Variants in MAPK14 observed in about 807,000 individuals in gnomAD.
MAPK14 encodes mitogen-activated protein kinase 14, also known as CSAID-binding protein.
Under a neutral mutation model 49.6 loss-of-function variants are expected in MAPK14, and 16 were observed. The observed-to-expected ratio is 0.32, with a 90% CI of 0.22 to 0.49. MAPK14 has a LOEUF of 0.49. MAPK14 is among the 20% of genes least tolerant of loss of function. The pLI, the probability that MAPK14 is intolerant of heterozygous loss-of-function variation, is 0.99. For synonymous variants in MAPK14, 142 were observed against 158.0 expected (o/e 0.90, Z 0.76); for missense variants, 200 against 441.2 (o/e 0.45, Z 4.90).
In MAPK14 at chr6:36,027,816, C is replaced by A. The variant is rs938669193; in HGVS notation, c.-342C>A. 73 of 400,986 alleles carry A rather than the reference C, an allele frequency of 1.8e-4. No individual in the cohort carries two copies. Among genetic ancestry groups the A allele is most frequent in the African/African-American group, 1.4e-3 (70 of 48,766 alleles). 24.8% of individuals were successfully genotyped at this position (400,986 alleles called of 1,614,324 possible). A position where few individuals can be genotyped will look rare whatever the true frequency, so the allele number is the denominator to read the frequency against. ...CTCTTGGAACCGCGACCACTGGAGCCTTAGCGGGCGCAGCAGCTGGAACGG... is the reference window on the plus strand; with the variant it reads ...CTCTTGGAACCGCGACCACTGGAGCATTAGCGGGCGCAGCAGCTGGAACGG... On this transcript the variant is annotated 5_prime_UTR_variant, in exon 1 of 12. Coordinates refer to ENST00000229794, the MANE Select transcript of MAPK14 (RefSeq NM_139012.3).
At chr6:36,065,614 G>A (rs959412517) in intron 3 of MAPK14, among the ~76,000 whole-genome samples, 4 of 151,146 alleles carry the variant, frequency 2.6e-5, no homozygotes, top group Admixed American at 2.0e-4. Flanking sequence ...GATCTTTGGG[G>A]CTTTATAAGC....
intron 1 of MAPK14, among the ~76,000 whole-genome samples, chr6:36,032,193 A>G (rs893852561): frequency 6.6e-6 from 1 of 152,200 alleles, no homozygotes; most frequent in Non-Finnish European, 1.5e-5. Context: ...AAAGTGTGGT[A>G]TACTTTGTAA....
intron 2 of MAPK14, among the ~76,000 whole-genome samples, chr6:36,057,405 T>C (rs1268995064): frequency 6.6e-6 from 1 of 152,190 alleles, no homozygotes; most frequent in Non-Finnish European, 1.5e-5. Flanking sequence ...GTAATTTTGG[T>C]TTTCTTATGT....
intron 4 of MAPK14, 64 bp downstream of exon 4, chr6:36,073,048 CT>C: frequency 9.8e-7 from 1 of 1,015,940 alleles, no homozygotes; most frequent in African/African-American, 1.6e-5. Flanking sequence ...CCTTTTAGGG[CT>C]TAAACAAACA....
At chr6:36,048,548 T>C (rs967676061) in intron 1 of MAPK14, among the ~76,000 whole-genome samples, 18 of 152,222 alleles carry the variant, frequency 1.2e-4, no homozygotes, top group African/African-American at 3.9e-4. Flanking sequence ...GCCAGTGACA[T>C]GGACTAATAT....
At chr6:36,060,433 G>GA (rs991965095) in intron 3 of MAPK14, among the ~76,000 whole-genome samples, 3 of 152,068 alleles carry the variant, frequency 2.0e-5, no homozygotes, top group African/African-American at 7.2e-5. Context: ...CCATGAAAGA[G>GA]AAAAAAACCT....
intron 8 of MAPK14, among the ~76,000 whole-genome samples, chr6:36,078,249 G>T (rs529445984): frequency 2.6e-5 from 4 of 152,198 alleles, no homozygotes; most frequent in East Asian, 1.9e-4. Context: ...CAAGGTTGTC[G>T]TAAGAATTCA....
At chr6:36,084,878 G>A (rs1454778506) in intron 8 of MAPK14, among the ~76,000 whole-genome samples, 1 of 152,038 alleles carries the variant, frequency 6.6e-6, no homozygotes, top group Non-Finnish European at 1.5e-5. Flanking sequence ...ATAATCATCA[G>A]ATTCTCCAAG....
chr6:36,090,525 C>G (rs1401755826), intron 8 of MAPK14, among the ~76,000 whole-genome samples: 1 of 144,408 alleles, frequency 6.9e-6, no homozygotes, highest in Admixed American at 6.8e-5. Flanking sequence ...CTCCCTCTCT[C>G]TCTTTTTTTT....
At chr6:36,097,976 A>AG (rs1765503977) in intron 9 of MAPK14, 1 of 152,088 alleles carries the variant, frequency 6.6e-6, no homozygotes, top group South Asian at 2.1e-4. Context: ...AAACATCCTA[A>AG]GGGGTAGACA....
In MAPK14 at chr6:36,033,221, G is replaced by A. The variant is rs150335499; in HGVS notation, c.116+4948G>A. Reference sequence around the variant, plus strand: ...TAAGAAGTCTTTAAACATAATTAACGGCAAGCATTTGTATTATTGATGTAT... The same window carrying A: ...TAAGAAGTCTTTAAACATAATTAACAGCAAGCATTTGTATTATTGATGTAT... On this transcript the variant is annotated intron_variant, in intron 1 of 11. Transcript: ENST00000229794. Among the ~76,000 whole-genome samples, 479 of 152,122 alleles carry A rather than the reference G, an allele frequency of 3.1e-3. 4 individuals are homozygous for A. The highest frequency in any genetic ancestry group is 0.01 in the African/African-American group (417 of 41,490).
chr6:36,075,970 T>C lies in MAPK14; in HGVS notation c.610+8T>C. On this transcript the variant is annotated splice_region_variant and intron_variant, in intron 7 of 11. Coordinates refer to ENST00000229794, the MANE Select transcript of MAPK14 (RefSeq NM_139012.3). ...TGCATTACAACCAGACAGGTATTAC[T>C]CGCCTTGGTTATTTAGGGCCTTATT... 1.2e-6 allele frequency: 2 copies of C among 1,614,026 alleles called. No homozygotes were observed. The highest frequency in any genetic ancestry group is 1.7e-6 in the Non-Finnish European group (2 of 1,179,954).
intron 1 of MAPK14, among the ~76,000 whole-genome samples, chr6:36,043,708 A>G (rs1581740877): frequency 6.6e-6 from 1 of 152,006 alleles, no homozygotes; most frequent in South Asian, 2.1e-4. Context: ...ATTCAGTTGG[A>G]AAAAAAGCCT....
chr6:36,064,448 A>G (rs1330044261), intron 3 of MAPK14, among the ~76,000 whole-genome samples: 1 of 151,970 alleles, frequency 6.6e-6, no homozygotes, highest in Non-Finnish European at 1.5e-5. Flanking sequence ...TTCCCATCCC[A>G]GGTTTCTTAT....
chr6:36,096,057 C>T lies in MAPK14; in HGVS notation c.753C>T (p.Ser251=). ...GGGCTGAGCTTTTGAAGAAAATCTCCTCAGAGTCTGTGAGTTGATGCTTTG... is the reference window on the plus strand; with the variant it reads ...GGGCTGAGCTTTTGAAGAAAATCTCTTCAGAGTCTGTGAGTTGATGCTTTG... ...TPGAELLKKI[S]SESARNYIQS... The change falls in exon 9 of 12, where the codon TCC becomes TCT. Residue 251 remains serine (S), a synonymous_variant. Coordinates refer to ENST00000229794, the MANE Select transcript of MAPK14 (RefSeq NM_139012.3). The T allele has an allele frequency of 6.2e-7, 1 of 1,612,332 alleles. No individual in the cohort carries two copies. Among genetic ancestry groups the T allele is most frequent in the Non-Finnish European group, 8.5e-7 (1 of 1,178,462 alleles).
chr6:36,051,298 A>T (rs1205022087), intron 1 of MAPK14, among the ~76,000 whole-genome samples: 1 of 151,910 alleles, frequency 6.6e-6, no homozygotes, highest in Non-Finnish European at 1.5e-5. Flanking sequence ...TTTAGTAGAG[A>T]TGGGGTTTCA....
intron 1 of MAPK14, among the ~76,000 whole-genome samples, chr6:36,041,974 A>G (rs77288937): frequency 0.017 from 2,649 of 152,306 alleles, 77 homozygotes; most frequent in African/African-American, 0.06. Context: ...TGGAGCAGAA[A>G]GGATTTGAAG....
At chr6:36,084,576 A>G (rs1372874095) in intron 8 of MAPK14, among the ~76,000 whole-genome samples, 1 of 152,248 alleles carries the variant, frequency 6.6e-6, no homozygotes, top group Non-Finnish European at 1.5e-5. Flanking sequence ...AAATAGACCA[A>G]GTGGAGGAAA....
chr6:36,093,743 A>C (rs1478535147), intron 8 of MAPK14, among the ~76,000 whole-genome samples: 1 of 139,502 alleles, frequency 7.2e-6, no homozygotes, highest in African/African-American at 2.7e-5. Flanking sequence ...AAAAAAAAAA[A>C]CAACTGACTC....
Sources: gnomAD v4.1 joint callset for allele counts (sites outside exome capture counted in the v4.1 genomes callset) on GRCh38, gnomAD v4.1.1 for gene constraint, MANE v1.5 for transcripts, NCBI Gene and HGNC (gene_info 2026-07-23, HGNC 2026-07-21) for gene names.